Variants in NF1 observed in about 807,000 individuals in gnomAD.
The protein encoded by NF1 is neurofibromin.
NF1 carries 122 observed loss-of-function variants against 325.7 expected under a neutral mutation model. That is an observed-to-expected ratio of 0.37 (90% CI 0.32 to 0.44). NF1 has a LOEUF of 0.44. NF1 is among the 20% of genes least tolerant of loss of function. NF1 has a pLI of 1.00. For missense variants in NF1, 2,140 were observed against 3,415.4 expected (o/e 0.63, Z 9.31); for synonymous variants, 1,091 against 1,186.0 (o/e 0.92, Z 1.65).
chr17:31,116,668 T>A (rs923810759), intron 1 of NF1, among the ~76,000 whole-genome samples: 24 of 152,034 alleles, frequency 1.6e-4, no homozygotes, highest in Non-Finnish European at 2.6e-4. Context: ...TATTTTATTT[T>A]ATTTATTTAT....
chr17:31,372,316 G>A (rs1042362708), intron 57 of NF1, among the ~76,000 whole-genome samples: 1 of 152,052 alleles, frequency 6.6e-6, no homozygotes, highest in Non-Finnish European at 1.5e-5. Context: ...TCATCTTTTT[G>A]TATCAGTAAA....
chr17:31,223,646 C>A (rs2144018543), intron 16 of NF1, 79 bp downstream of exon 16: 1 of 1,396,310 alleles, frequency 7.2e-7, no homozygotes, highest in Non-Finnish European at 1.0e-6. Flanking sequence ...TGTTTTATAG[C>A]CAAATTAGGT....
At chr17:31,227,142 G>A in intron 18 of NF1, 76 bp from the exon 19 acceptor site, 2 of 1,449,312 alleles carry the variant, frequency 1.4e-6, no homozygotes, top group African/African-American at 1.4e-5. Flanking sequence ...CTCCTTTTGG[G>A]TGGAGCTTAT....
At chr17:31,366,849 T>G (rs1321803617) in intron 57 of NF1, among the ~76,000 whole-genome samples, 1 of 152,222 alleles carries the variant, frequency 6.6e-6, no homozygotes, top group South Asian at 2.1e-4. Context: ...ACCTGACCTT[T>G]TTTTCTTGAT....
chr17:31,121,395 C>CTTTTTTTTTTTTT (rs71142019), intron 1 of NF1, among the ~76,000 whole-genome samples: 8 of 92,510 alleles, frequency 8.6e-5, no homozygotes, highest in African/African-American at 3.1e-4. Context: ...AATCACTATT[C>CTTTTTTTTTTTTT]TTTTTTTTTT....
chr17:31,296,529 A>G (rs564952318), intron 36 of NF1: 5 of 614,402 alleles, frequency 8.1e-6, no homozygotes, highest in East Asian at 2.9e-5. Flanking sequence ...CAATTGGGCT[A>G]TGTGGTAGAG....
intron 3 of NF1, among the ~76,000 whole-genome samples, chr17:31,160,251 A>AT (rs956666214): frequency 1.6e-4 from 25 of 151,690 alleles, no homozygotes; most frequent in African/African-American, 5.3e-4. Context: ...ATGCTCAGCT[A>AT]TTTTTTTTGT....
intron 57 of NF1, among the ~76,000 whole-genome samples, chr17:31,369,914 A>T (rs148620160): frequency 1.2e-3 from 181 of 152,362 alleles, no homozygotes; most frequent in African/African-American, 4.1e-3. Context: ...GAGAAACTTA[A>T]ATGCCAGAAC....
intron 10 of NF1, 29 bp from the exon 11 acceptor site, chr17:31,201,382 A>AATCTG (rs760713766): frequency 1.1e-5 from 17 of 1,581,506 alleles, no homozygotes; most frequent in Non-Finnish European, 1.4e-5. Context: ...TCATAGAAAT[A>AATCTG]ATCTGCTTTT....
chr17:31,148,474 G>C lies in NF1; in HGVS notation c.61-7509G>C, dbSNP rs193235607. 6.6e-5 allele frequency among the ~76,000 whole-genome samples: 10 copies of C among 150,516 alleles called. 1 individual carries two copies. In the East Asian group the frequency reaches 1.9e-3, roughly 29 times the overall value. ...AGATTCCTTTTACTGGGAAATGGTC[G>C]TTCAAGATTACAACTGAGTGAGGAT... is the stretch of plus-strand genomic sequence containing the variant. On this transcript the variant is annotated intron_variant, in intron 1 of 57. Coordinates refer to ENST00000358273, the MANE Select transcript of NF1 (RefSeq NM_001042492.3).
At chr17:31,328,265 A>G (rs1489384470) in intron 38 of NF1, among the ~76,000 whole-genome samples, 2 of 152,102 alleles carry the variant, frequency 1.3e-5, no homozygotes, top group Non-Finnish European at 2.9e-5. Flanking sequence ...CACCTACATC[A>G]CTCTTAACAA....
chr17:31,371,083 T>A (rs1444505106), intron 57 of NF1, among the ~76,000 whole-genome samples: 2 of 152,164 alleles, frequency 1.3e-5, no homozygotes, highest in Admixed American at 1.3e-4. Flanking sequence ...AGGGATTGCA[T>A]GCTTTGGGGC....
intron 1 of NF1, among the ~76,000 whole-genome samples, chr17:31,150,798 G>A (rs1488245141): frequency 6.6e-6 from 1 of 152,010 alleles, no homozygotes; most frequent in African/African-American, 2.4e-5. Flanking sequence ...TTGGGAGGCC[G>A]AGGTGGGTGG....
chr17:31,109,774 T>A (rs1274994910), intron 1 of NF1, among the ~76,000 whole-genome samples: 5 of 152,230 alleles, frequency 3.3e-5, no homozygotes, highest in Non-Finnish European at 5.9e-5. Context: ...AATCATGGAC[T>A]CTAGTGATTC....
intron 29 of NF1, among the ~76,000 whole-genome samples, chr17:31,238,703 C>A (rs2067244220): frequency 6.6e-6 from 1 of 150,828 alleles, no homozygotes; most frequent in Non-Finnish European, 1.5e-5. Context: ...CACTGCACTC[C>A]AGCCTGGGCG....
intron 36 of NF1, chr17:31,295,867 A>G (rs1304460898): frequency 6.2e-7 from 1 of 1,614,200 alleles, no homozygotes; most frequent in Admixed American, 1.7e-5. Flanking sequence ...AAAGTTTGTT[A>G]CTACTGAGGT....
chr17:31,289,867 A>G (rs1252293944), intron 36 of NF1, among the ~76,000 whole-genome samples: 1 of 152,070 alleles, frequency 6.6e-6, no homozygotes, highest in African/African-American at 2.4e-5. Context: ...AATTGTGCCA[A>G]TATGTGAACA....
chr17:31,194,640 T>G (rs1480903957), intron 8 of NF1, among the ~76,000 whole-genome samples: 1 of 152,122 alleles, frequency 6.6e-6, no homozygotes, highest in African/African-American at 2.4e-5. Context: ...TTCATAAATA[T>G]TAATACATCA....
At chr17:31,127,138 G>A (rs923263362) in intron 1 of NF1, among the ~76,000 whole-genome samples, 9 of 150,262 alleles carry the variant, frequency 6.0e-5, no homozygotes, top group Middle Eastern at 3.4e-3. Flanking sequence ...CTCTCAGTTC[G>A]GCTCTCTCCT....
Sources: allele counts gnomAD v4.1 joint callset (sites outside exome capture counted in the v4.1 genomes callset), GRCh38; gene constraint gnomAD v4.1.1; transcripts MANE v1.5; gene names NCBI Gene and HGNC (gene_info 2026-07-23, HGNC 2026-07-21).